The following KCND2 variants were observed in gnomAD, a reference collection of about 807,000 sequenced individuals.
KCND2 encodes the protein A-type voltage-gated potassium channel KCND2.
In KCND2, 16 loss-of-function variants were observed where a neutral mutation model predicts 54.4. The ratio of observed to expected loss-of-function variants is 0.29; its 90% CI spans 0.20 to 0.45. The LOEUF is 0.45. Ranked by LOEUF, KCND2 falls within the 20% of genes least tolerant of loss-of-function variation. The pLI is 1.00. For synonymous variants in KCND2, 317 were observed against 310.7 expected (o/e 1.02, Z -0.21); for missense variants, 486 against 824.2 (o/e 0.59, Z 5.02).
intron 1 of KCND2, among the ~76,000 whole-genome samples, chr7:120,444,816 T>C (rs1448861480): frequency 1.3e-5 from 2 of 152,134 alleles, no homozygotes; most frequent in African/African-American, 2.4e-5. Flanking sequence ...TGTTAAGGTG[T>C]AATGATTCAG....
At position 120,688,886 on chromosome 7, in the gene KCND2, G is replaced by A. The variant is rs978620728; in HGVS notation, c.1116-44017G>A. Among the ~76,000 whole-genome samples the A allele has an allele frequency of 2.6e-5, 4 of 152,104 alleles. No individual in the cohort carries two copies. In the South Asian group the frequency reaches 8.3e-4, roughly 32 times the overall value. ...AAAAATGATCTCCTTTTAGAAAACT[G>A]AGCAAGAGGAAGGGAAGCCTTACCT... On this transcript the variant is annotated intron_variant, in intron 1 of 5. Transcript: ENST00000331113.
chr7:120,468,600 T>A (rs923731078), intron 1 of KCND2, among the ~76,000 whole-genome samples: 3 of 152,118 alleles, frequency 2.0e-5, no homozygotes, highest in Non-Finnish European at 4.4e-5. Context: ...CTGTAGGCTA[T>A]TTTTAGAAAA....
At chr7:120,564,734 G>A (rs1045017524) in intron 1 of KCND2, among the ~76,000 whole-genome samples, 3 of 151,998 alleles carry the variant, frequency 2.0e-5, no homozygotes, top group African/African-American at 7.2e-5. Flanking sequence ...TCTAATTTCT[G>A]TGCCTAATAA....
intron 1 of KCND2, among the ~76,000 whole-genome samples, chr7:120,433,315 G>C (rs989362747): frequency 3.3e-5 from 5 of 152,288 alleles, no homozygotes; most frequent in Middle Eastern, 3.4e-3. Context: ...ACTGTTTGCT[G>C]TATAAAATCC....
At chr7:120,361,217 A>G (rs1261654841) in intron 1 of KCND2, among the ~76,000 whole-genome samples, 1 of 151,968 alleles carries the variant, frequency 6.6e-6, no homozygotes, top group Admixed American at 6.6e-5. Context: ...CTTAACCTTG[A>G]AAAAAAGGGG....
intron 1 of KCND2, among the ~76,000 whole-genome samples, chr7:120,345,827 G>A (rs1260464619): frequency 6.6e-6 from 1 of 152,170 alleles, no homozygotes; most frequent in South Asian, 2.1e-4. Flanking sequence ...ACATCTCTTC[G>A]AGATCTTGTT....
intron 1 of KCND2, among the ~76,000 whole-genome samples, chr7:120,668,584 C>T (rs1791955629): frequency 6.6e-6 from 1 of 151,900 alleles, no homozygotes; most frequent in Admixed American, 6.6e-5. Context: ...TACATTGCAT[C>T]AGTTTCAGGA....
chr7:120,329,882 C>G (rs1428770009), intron 1 of KCND2, among the ~76,000 whole-genome samples: 1 of 152,134 alleles, frequency 6.6e-6, no homozygotes, highest in African/African-American at 2.4e-5. Context: ...GATTGTGCTG[C>G]AAATTTGTCC....
At chr7:120,353,512 T>C (rs1800447116) in intron 1 of KCND2, among the ~76,000 whole-genome samples, 1 of 152,106 alleles carries the variant, frequency 6.6e-6, no homozygotes, top group Non-Finnish European at 1.5e-5. Context: ...CTAGGTTCTT[T>C]ACTTAAATGA....
chr7:120,599,823 T>G (rs1792792130), intron 1 of KCND2, among the ~76,000 whole-genome samples: 1 of 151,980 alleles, frequency 6.6e-6, no homozygotes, highest in Admixed American at 6.6e-5. Context: ...TGACCTCCAG[T>G]AAAATGATGA....
At chr7:120,385,918 G>A (rs1800981313) in intron 1 of KCND2, among the ~76,000 whole-genome samples, 1 of 152,086 alleles carries the variant, frequency 6.6e-6, no homozygotes, top group African/African-American at 2.4e-5. Flanking sequence ...AGGCTCAACT[G>A]GAAATGAGTG....
chr7:120,454,722 G>A (rs1019504849), intron 1 of KCND2, among the ~76,000 whole-genome samples: 2 of 129,326 alleles, frequency 1.5e-5, no homozygotes, highest in African/African-American at 5.1e-5. Flanking sequence ...CATCCAAATA[G>A]TAAGAGAGAA....
At chr7:120,551,245 A>G (rs1398074302) in intron 1 of KCND2, among the ~76,000 whole-genome samples, 1 of 152,234 alleles carries the variant, frequency 6.6e-6, no homozygotes, top group African/African-American at 2.4e-5. Context: ...CTCTACTTAA[A>G]TAAAGTGCTA....
intron 1 of KCND2, among the ~76,000 whole-genome samples, chr7:120,396,186 G>A (rs773998192): frequency 5.3e-5 from 8 of 152,032 alleles, no homozygotes; most frequent in Non-Finnish European, 1.0e-4. Context: ...GTTGGTCAAT[G>A]TCAAACCCAA....
intron 1 of KCND2, among the ~76,000 whole-genome samples, chr7:120,517,475 A>G (rs1803213541): frequency 1.3e-5 from 2 of 152,118 alleles, no homozygotes; most frequent in Non-Finnish European, 2.9e-5. Context: ...TACAATAAGG[A>G]GTGCAACATA....
intron 1 of KCND2, among the ~76,000 whole-genome samples, chr7:120,429,001 T>C (rs1801754858): frequency 6.6e-6 from 1 of 152,026 alleles, no homozygotes; most frequent in African/African-American, 2.4e-5. Context: ...AATAAGTGCA[T>C]TGGGATAATT....
At chr7:120,374,391 A>G (rs534404583) in intron 1 of KCND2, among the ~76,000 whole-genome samples, 4 of 151,794 alleles carry the variant, frequency 2.6e-5, no homozygotes, top group African/African-American at 7.2e-5. Flanking sequence ...TGTACAATCT[A>G]GTTTGGTGCC....
chr7:120,607,086 A>G (rs1173336973), intron 1 of KCND2, among the ~76,000 whole-genome samples: 3 of 152,164 alleles, frequency 2.0e-5, no homozygotes, highest in African/African-American at 7.2e-5. Flanking sequence ...TCATGGTTAC[A>G]AGACTATTGG....
chr7:120,470,477 C>A (rs1455354520), intron 1 of KCND2, among the ~76,000 whole-genome samples: 2 of 151,988 alleles, frequency 1.3e-5, no homozygotes, highest in Non-Finnish European at 2.9e-5. Context: ...TGTTTTATGT[C>A]CTAGATCTAG....
Sources: gnomAD v4.1 joint callset for allele counts (sites outside exome capture counted in the v4.1 genomes callset) on GRCh38, gnomAD v4.1.1 for gene constraint, MANE v1.5 for transcripts, NCBI Gene and HGNC (gene_info 2026-07-23, HGNC 2026-07-21) for gene names.